AGER: variants seen among roughly 807,000 people sequenced by gnomAD.
AGER encodes advanced glycation end product-specific receptor.
A neutral mutation model predicts 48.8 loss-of-function variants in AGER; 46 were observed. The ratio of observed to expected loss-of-function variants is 0.94; its 90% CI spans 0.74 to 1.20. The LOEUF is 1.20. AGER is among the 50% of genes most tolerant of loss of function. The pLI is 0.00. For missense variants in AGER, 489 were observed against 515.0 expected (o/e 0.95, Z 0.49); for synonymous variants, 170 against 199.9 (o/e 0.85, Z 1.26).
Position 32,183,678 on chromosome 6 carries a change from C to A in AGER, c.232G>T (p.Val78Phe). 1 of 1,613,028 alleles carries A rather than the reference C, an allele frequency of 6.2e-7. No individual in the cohort carries two copies. Among genetic ancestry groups the A allele is most frequent in the South Asian group, 1.1e-5 (1 of 91,090 alleles). ...AGGAAGAGGGAGCCGTTGGGAAGGA[C>A]ACGAGCCACACTGTCCCAGGGGCCT... The part of the protein sequence containing the change: ...GGGPWDSVAR[V>F]LPNGSLFLPA... The change falls in exon 3 of 11, where the codon GTC becomes TTC. Residue 78 changes from valine (V) to phenylalanine (F), a missense_variant. Transcript: ENST00000375076.
In AGER at chr6:32,184,151, G is replaced by A; in HGVS notation, c.52+20C>T. On this transcript the variant is annotated intron_variant, in intron 1 of 10. Coordinates refer to ENST00000375076, the MANE Select transcript of AGER (RefSeq NM_001136.5). ...GTGCTTTCTGCAGGGAGGGTCAGTG[G>A]GGTTGAGGGAGTGGCTCACCCCACA... The A allele has an allele frequency of 3.1e-6, 5 of 1,609,774 alleles. No homozygotes were observed. The highest frequency in any genetic ancestry group is 4.2e-6 in the Non-Finnish European group (5 of 1,178,112).
Position 32,183,656 on chromosome 6 carries a change from A to G in AGER, c.254T>C (p.Phe85Ser), listed in dbSNP as rs920874056. 3.7e-6 allele frequency: 6 copies of G among 1,612,938 alleles called. No individual in the cohort carries two copies. Among genetic ancestry groups the G allele is most frequent in the Non-Finnish European group, 5.1e-6 (6 of 1,180,036 alleles). ...VARVLPNGSL[F>S]LPAVGIQDEG... ...ATCCTGGATCCCGACAGCCGGAAGG[A>G]AGAGGGAGCCGTTGGGAAGGACACG... The change falls in exon 3 of 11, where the codon TTC (phenylalanine) becomes TCC (serine). Residue 85 changes from phenylalanine to serine, a missense_variant. Phe to Ser is a radical substitution (Grantham distance 155). Coordinates refer to ENST00000375076, the MANE Select transcript of AGER (RefSeq NM_001136.5).
Position 32,181,369 on chromosome 6 carries a change from T to G in AGER, c.1100A>C (p.Gln367Pro), listed in dbSNP as rs768135894. 1 of 1,612,634 alleles carries G rather than the reference T, an allele frequency of 6.2e-7. No individual in the cohort carries two copies. The highest frequency in any genetic ancestry group is 8.5e-7 in the Non-Finnish European group (1 of 1,179,184). Residue 367 changes from glutamine to proline, a missense_variant, in exon 10 of 11, where the codon CAA becomes CCA. Physicochemically the swap from Gln to Pro is moderately conservative, Grantham distance 76. Transcript: ENST00000375076. The surrounding 1 kb of genome is among the most constrained non-coding windows in gnomAD (Gnocchi z 4.1). ...LIGVILWQRR[Q>P]RRGEERKAPE... ...CACTCACCTCTCCTCTCCTCGGCGTTGCCGCCTTTGCCACAAGATGACCCC... is the reference window on the plus strand; with the variant it reads ...CACTCACCTCTCCTCTCCTCGGCGTGGCCGCCTTTGCCACAAGATGACCCC...
rs144337279 is a variant in AGER, at chr6:32,183,955, G to C, written c.85C>G (p.Arg29Gly). 4 of 1,612,912 alleles carry C rather than the reference G, an allele frequency of 2.5e-6. No individual in the cohort carries two copies. Among genetic ancestry groups the C allele is most frequent in the Non-Finnish European group, 3.4e-6 (4 of 1,180,028 alleles). ...AVVGAQNITA[R>G]IGEPLVLKCK... ...TTCAGCACCAGTGGCTCGCCAATCC[G>C]GGCTGTGATGTTTTGAGCACCTACT... Residue 29 changes from arginine to glycine, a missense_variant, in exon 2 of 11, where the codon CGG becomes GGG. By Grantham distance (125) the Arg-to-Gly change is moderately radical. Transcript: ENST00000375076.
In AGER at chr6:32,183,354, G is replaced by A. The variant is rs577796663; in HGVS notation, c.390C>T (p.Ala130=). The part of the protein sequence containing the change: ...IPGKPEIVDS[A]SELTAGVPNK... ...TGGGAACACCAGCCGTGAGTTCAGAGGCAGAATCTACAATTTCTGGCTTCC... is the reference window on the plus strand; with the variant it reads ...TGGGAACACCAGCCGTGAGTTCAGAAGCAGAATCTACAATTTCTGGCTTCC... Residue 130 remains alanine, a synonymous_variant, in exon 4 of 11, where the codon GCC becomes GCT. Coordinates refer to ENST00000375076, the MANE Select transcript of AGER (RefSeq NM_001136.5). The A allele has an allele frequency of 9.3e-6, 15 of 1,613,092 alleles. No homozygotes were observed. The Admixed American group carries it at 2.2e-4, about 23-fold the overall frequency.
Position 32,181,349 on chromosome 6 carries a change from A to ACCTCT in AGER, c.1115_1118+1dup. The ACCTCT allele has an allele frequency of 6.2e-7, 1 of 1,612,646 alleles. No individual in the cohort carries two copies. Among genetic ancestry groups the ACCTCT allele is most frequent in the Non-Finnish European group, 8.5e-7 (1 of 1,179,212 alleles). ...CTGAGGGGTCTGGCTTTCTCCACTCACCTCTCCTCTCCTCGGCGTTGCCGC... is the reference window on the plus strand; with the variant it reads ...CTGAGGGGTCTGGCTTTCTCCACTCACCTCTCCTCTCCTCTCCTCGGCGTTGCCGC... On this transcript the variant is annotated splice_donor_variant, in intron 10 of 10. Coordinates refer to ENST00000375076, the MANE Select transcript of AGER (RefSeq NM_001136.5). LOFTEE classifies it high-confidence loss of function. The surrounding 1 kb of genome is among the most constrained non-coding windows in gnomAD (Gnocchi z 4.1).
rs754937347 is a variant in AGER at position 32,184,164 on chromosome 6, G to C, written c.52+7C>G. ...GGAGGGTCAGTGGGGTTGAGGGAGT[G>C]GCTCACCCCACAGACTGAGGACCAG... On this transcript the variant is annotated splice_region_variant and intron_variant, in intron 1 of 10. Coordinates refer to ENST00000375076, the MANE Select transcript of AGER (RefSeq NM_001136.5). 6.2e-7 allele frequency: 1 copy of C among 1,610,882 alleles called. No individual in the cohort carries two copies. The highest frequency in any genetic ancestry group is 1.1e-5 in the South Asian group (1 of 90,834).
chr6:32,181,266 G>A lies in AGER; in HGVS notation c.1119-27C>T, dbSNP rs560762988. ...TGAGGAGAAAGATTGGGGGGAATGC[G>A]GCACGTTGTCGTTCCACCCCCCGAC... On this transcript the variant is annotated intron_variant, in intron 10 of 10. Transcript: ENST00000375076. The surrounding 1 kb of genome is among the most constrained non-coding windows in gnomAD (Gnocchi z 4.1). The A allele has an allele frequency of 2.5e-5, 40 of 1,613,896 alleles. No individual in the cohort carries two copies. Among genetic ancestry groups the A allele is most frequent in the South Asian group, 1.6e-4 (15 of 91,084 alleles).
Position 32,182,742 on chromosome 6 carries a change from G to GTGATC in AGER, c.692-49_692-45dup. On this transcript the variant is annotated intron_variant, in intron 6 of 10. Coordinates refer to ENST00000375076, the MANE Select transcript of AGER (RefSeq NM_001136.5). This position sits in a 1 kb window ranked among gnomAD's most constrained non-coding sequence, Gnocchi z 5.1. ...TTGAGGTGGAGAGTTACACTTGTGA[G>GTGATC]TGATCCCAGTGGCCATGGGCTTGAC... The GTGATC allele has an allele frequency of 6.2e-7, 1 of 1,613,048 alleles. No individual in the cohort carries two copies. Among genetic ancestry groups the GTGATC allele is most frequent in the Non-Finnish European group, 8.5e-7 (1 of 1,179,996 alleles).
In AGER at chr6:32,181,298, TCGCTTGCTG is replaced by T; in HGVS notation, c.1118+44_1118+52del. The T allele has an allele frequency of 6.2e-7, 1 of 1,613,762 alleles. No individual in the cohort carries two copies. Among genetic ancestry groups the T allele is most frequent in the Non-Finnish European group, 8.5e-7 (1 of 1,180,016 alleles). On this transcript the variant is annotated intron_variant, in intron 10 of 10. Transcript: ENST00000375076. This position sits in a 1 kb window ranked among gnomAD's most constrained non-coding sequence, Gnocchi z 4.1. ...TGTCGTTCCACCCCCCGACCCCTCT[TCGCTTGCTG>T]CCTGGAAGCCCTAGGTCTGAGGGGT...
Position 32,183,942 on chromosome 6 carries a change from G to C in AGER, c.98C>G (p.Pro33Arg). 2 of 1,613,054 alleles carry C rather than the reference G, an allele frequency of 1.2e-6. No homozygotes were observed. Among genetic ancestry groups the C allele is most frequent in the Non-Finnish European group, 1.7e-6 (2 of 1,180,024 alleles). ...AQNITARIGE[P>R]LVLKCKGAPK... ...GGCCCCCTTACACTTCAGCACCAGT[G>C]GCTCGCCAATCCGGGCTGTGATGTT... Residue 33 changes from proline (P) to arginine (R), a missense_variant, in exon 2 of 11, where the codon CCA becomes CGA. Physicochemically the swap from Pro to Arg is moderately radical, Grantham distance 103. Coordinates refer to ENST00000375076, the MANE Select transcript of AGER (RefSeq NM_001136.5).
At position 32,182,745 on chromosome 6, in the gene AGER, A is replaced by T; in HGVS notation, c.692-47T>A. On this transcript the variant is annotated intron_variant, in intron 6 of 10. Transcript: ENST00000375076. This position sits in a 1 kb window ranked among gnomAD's most constrained non-coding sequence, Gnocchi z 5.1. ...AGGTGGAGAGTTACACTTGTGAGTG[A>T]TCCCAGTGGCCATGGGCTTGACTCC... The T allele has an allele frequency of 1.9e-6, 3 of 1,612,928 alleles. No homozygotes were observed. Among genetic ancestry groups the T allele is most frequent in the Non-Finnish European group, 2.5e-6 (3 of 1,179,992 alleles).
In AGER at chr6:32,183,019, T is replaced by TACTC; in HGVS notation, c.509_512dup (p.Val173IlefsTer11). The TACTC allele has an allele frequency of 6.2e-7, 1 of 1,613,060 alleles. No individual in the cohort carries two copies. Among genetic ancestry groups the TACTC allele is most frequent in the Non-Finnish European group, 8.5e-7 (1 of 1,180,016 alleles). The stretch of plus-strand genomic sequence containing the variant: ...GTCTCCTGGTCTGTTCCTTCACAGA[T>TACTC]ACTCCTATGATGGGAGGATAAGACA... On this transcript the variant is annotated frameshift_variant, in exon 6 of 11. Coordinates refer to ENST00000375076, the MANE Select transcript of AGER (RefSeq NM_001136.5). LOFTEE classifies it high-confidence loss of function.
In AGER at chr6:32,183,036, G is replaced by A. The variant is rs1360364652; in HGVS notation, c.509-13C>T. Reference sequence around the variant, plus strand: ...TTCACAGATACTCCTATGATGGGAGGATAAGACAAATTATCCCAGGGTGGG... The same window carrying A: ...TTCACAGATACTCCTATGATGGGAGAATAAGACAAATTATCCCAGGGTGGG... On this transcript the variant is annotated splice_polypyrimidine_tract_variant and intron_variant, in intron 5 of 10. Coordinates refer to ENST00000375076, the MANE Select transcript of AGER (RefSeq NM_001136.5). The A allele has an allele frequency of 1.2e-6, 2 of 1,613,082 alleles. No homozygotes were observed. Among genetic ancestry groups the A allele is most frequent in the Non-Finnish European group, 1.7e-6 (2 of 1,180,024 alleles).
rs368901632 is a variant in AGER, at chr6:32,181,672, C to T, written c.965-40G>A. On this transcript the variant is annotated intron_variant, in intron 8 of 10. Coordinates refer to ENST00000375076, the MANE Select transcript of AGER (RefSeq NM_001136.5). The surrounding 1 kb of genome is among the most constrained non-coding windows in gnomAD (Gnocchi z 4.1). The stretch of plus-strand genomic sequence containing the variant: ...TGGATCCAGTCAGAAAGGAAGACTT[C>T]GGGTTGAGAGAGGGTTATTTAGTGG... The T allele has an allele frequency of 1.1e-5, 18 of 1,605,210 alleles. No individual in the cohort carries two copies. Among genetic ancestry groups the T allele is most frequent in the African/African-American group, 6.7e-5 (5 of 74,682 alleles).
In AGER at chr6:32,182,962, C is replaced by A. The variant is rs772834826; in HGVS notation, c.570G>T (p.Ser190=). The A allele has an allele frequency of 2.5e-6, 4 of 1,612,704 alleles. No individual in the cohort carries two copies. In the African/African-American group the frequency reaches 4.0e-5, roughly 16 times the overall value. ...CCCGGGCTGGGGTCACCATTAGCTCCGACTGCAGTGTGAAGAGCCCTGTCT... is the reference window on the plus strand; with the variant it reads ...CCCGGGCTGGGGTCACCATTAGCTCAGACTGCAGTGTGAAGAGCCCTGTCT... ...HPETGLFTLQ[S]ELMVTPARGG... Residue 190 remains serine, a synonymous_variant, in exon 6 of 11, where the codon TCG becomes TCT. Coordinates refer to ENST00000375076, the MANE Select transcript of AGER (RefSeq NM_001136.5). The surrounding 1 kb of genome is among the most constrained non-coding windows in gnomAD (Gnocchi z 5.1).
chr6:32,183,402 A>G lies in AGER; in HGVS notation c.356-14T>C. On this transcript the variant is annotated splice_polypyrimidine_tract_variant and intron_variant, in intron 3 of 10. Transcript: ENST00000375076. The stretch of plus-strand genomic sequence containing the variant: ...TCCCAGGAATCTCTGAAGGAGGAAA[A>G]ATCCAGTCAGAGGCTGTAATTGTGA... The G allele has an allele frequency of 6.2e-7, 1 of 1,612,362 alleles. No homozygotes were observed. The highest frequency in any genetic ancestry group is 1.1e-5 in the South Asian group (1 of 91,070).
At position 32,183,627 on chromosome 6, in the gene AGER, C is replaced by T. The variant is rs1786666498; in HGVS notation, c.283G>A (p.Gly95Arg). 1.9e-6 allele frequency: 3 copies of T among 1,613,064 alleles called. No homozygotes were observed. The East Asian group carries it at 6.7e-5, about 36-fold the overall frequency. The change falls in exon 3 of 11, where the codon GGG becomes AGG. Residue 95 changes from glycine (G) to arginine (R), a missense_variant. Coordinates refer to ENST00000375076, the MANE Select transcript of AGER (RefSeq NM_001136.5). ...FLPAVGIQDE[G>R]IFRCQAMNRN... ...TTCATTGCCTGGCACCGGAAAATCC[C>T]CTCATCCTGGATCCCGACAGCCGGA...
rs1036001023 is a variant in AGER, at chr6:32,181,980, G to A, written c.964+267C>T. ...ACTCCCTACCTCAGGTGATCTGCCC[G>A]CCTCAGCCTCCCAAAGTGTTGGGAT... On this transcript the variant is annotated intron_variant, in intron 8 of 10. Coordinates refer to ENST00000375076, the MANE Select transcript of AGER (RefSeq NM_001136.5). This position sits in a 1 kb window ranked among gnomAD's most constrained non-coding sequence, Gnocchi z 4.1. 6.2e-6 allele frequency: 4 copies of A among 647,738 alleles called. No individual in the cohort carries two copies. Among genetic ancestry groups the A allele is most frequent in the East Asian group, 2.8e-5 (1 of 35,878 alleles). 40.1% of individuals were successfully genotyped at this position (647,738 alleles called of 1,614,324 possible).
Sources: allele counts gnomAD v4.1 joint callset, GRCh38; gene constraint gnomAD v4.1.1; non-coding constraint Gnocchi (gnomAD v3.1); transcripts MANE v1.5; gene names NCBI Gene and HGNC (gene_info 2026-07-23, HGNC 2026-07-21).